Variants in DYM observed in about 807,000 individuals in gnomAD.
DYM encodes the protein dymeclin.
Under a neutral mutation model 93.1 loss-of-function variants are expected in DYM, and 78 were observed. The observed-to-expected ratio is 0.84, with a 90% CI of 0.70 to 1.01. The LOEUF (loss-of-function observed/expected upper bound fraction) is 1.01. Among genes scored for constraint, DYM ranks in the 50% least tolerant of loss-of-function variants. The probability of loss-of-function intolerance (pLI) is 0.00; values close to 1 mark genes in which losing one functional copy is unlikely to be tolerated. For synonymous variants in DYM, 321 were observed against 319.7 expected, an observed-to-expected ratio of 1.00 and a Z score of -0.04; for missense variants, 789 against 845.0, an observed-to-expected ratio of 0.93 and a Z score of 0.82.
intron 14 of DYM, among the ~76,000 whole-genome samples, chr18:49,207,782 G>C (rs1364379549): frequency 6.6e-6 from 1 of 151,698 alleles, no homozygotes; most frequent in Non-Finnish European, 1.5e-5. Flanking sequence ...GCAAGCCCCT[G>C]CAATAGCCAA....
chr18:49,243,204 A>C (rs1356358417), intron 13 of DYM, among the ~76,000 whole-genome samples: 1 of 152,134 alleles, frequency 6.6e-6, no homozygotes, highest in Non-Finnish European at 1.5e-5. Flanking sequence ...CATCACAGTA[A>C]AACACAGAGC....
chr18:49,203,899 C>G (rs4939850), intron 14 of DYM, among the ~76,000 whole-genome samples: 78,482 of 104,428 alleles, frequency 0.75, 27,825 homozygotes, highest in Non-Finnish European at 0.8. Flanking sequence ...AAAAAAAAAA[C>G]AACTCTGGGT....
At chr18:49,100,625 A>G (rs917697862) in intron 16 of DYM, among the ~76,000 whole-genome samples, 1 of 152,230 alleles carries the variant, frequency 6.6e-6, no homozygotes, top group African/African-American at 2.4e-5. Flanking sequence ...AGAAAATGAT[A>G]AAACAACCAC....
chr18:49,088,015 G>A (rs561844188), intron 17 of DYM, among the ~76,000 whole-genome samples: 16 of 152,010 alleles, frequency 1.1e-4, no homozygotes, highest in Admixed American at 3.9e-4. Flanking sequence ...CTGTATATTA[G>A]CCCTTTGTCA....
chr18:49,298,247 A>T lies in DYM; in HGVS notation c.764-11631T>A, dbSNP rs182501491. Among the ~76,000 whole-genome samples the T allele has an allele frequency of 5.5e-3, 842 of 152,330 alleles. 4 individuals carry two copies. Among genetic ancestry groups the T allele is most frequent in the Non-Finnish European group, 8.9e-3 (603 of 68,024 alleles). On this transcript the variant is annotated intron_variant, in intron 8 of 17. Transcript: ENST00000675505. ...AAGAAAAATGTTTTTTAAAACTCAT[A>T]GCACAGTAAAACTTTTTATCCACCT... is the stretch of plus-strand genomic sequence containing the variant.
At chr18:49,234,520 G>T (rs2093803831) in intron 13 of DYM, among the ~76,000 whole-genome samples, 1 of 152,092 alleles carries the variant, frequency 6.6e-6, no homozygotes, top group Non-Finnish European at 1.5e-5. Context: ...CTATCCTGTG[G>T]CTTGAACTAA....
chr18:49,400,701 C>G (rs1356353216), intron 2 of DYM, among the ~76,000 whole-genome samples: 1 of 149,708 alleles, frequency 6.7e-6, no homozygotes, highest in Non-Finnish European at 1.5e-5. Flanking sequence ...AGCAACACAC[C>G]AATTATTTGT....
At chr18:49,334,476 A>G (rs899181789) in intron 6 of DYM, among the ~76,000 whole-genome samples, 2 of 152,190 alleles carry the variant, frequency 1.3e-5, no homozygotes, top group African/African-American at 4.8e-5. Context: ...CAAGTCTTAG[A>G]TCAAATAAAA....
intron 5 of DYM, among the ~76,000 whole-genome samples, chr18:49,364,453 A>AAAG (rs2066325636): frequency 2.6e-5 from 4 of 151,956 alleles, no homozygotes; most frequent in South Asian, 4.2e-4. Context: ...TCAAAAAAAA[A>AAAG]AAAGAAAGAA....
At chr18:49,078,146 C>G (rs1025047767) in intron 17 of DYM, among the ~76,000 whole-genome samples, 5 of 152,112 alleles carry the variant, frequency 3.3e-5, no homozygotes, top group Non-Finnish European at 7.3e-5. Flanking sequence ...ACAATATACA[C>G]TCTTAACTTT....
At chr18:49,194,757 A>T (rs1053542991) in intron 14 of DYM, among the ~76,000 whole-genome samples, 8 of 147,730 alleles carry the variant, frequency 5.4e-5, no homozygotes, top group Non-Finnish European at 1.0e-4. Context: ...AAAATATTTT[A>T]AAAATATTTC....
intron 2 of DYM, among the ~76,000 whole-genome samples, chr18:49,421,645 A>C (rs1435136149): frequency 6.6e-6 from 1 of 152,254 alleles, no homozygotes; most frequent in East Asian, 1.9e-4. Flanking sequence ...AGCTGGACGG[A>C]GAATGACTTT....
chr18:49,087,180 TTC>T (rs1158729286), intron 17 of DYM, among the ~76,000 whole-genome samples: 1 of 152,130 alleles, frequency 6.6e-6, no homozygotes, highest in Non-Finnish European at 1.5e-5. Context: ...AGAAACAAAT[TTC>T]TGTTATTTAC....
intron 12 of DYM, 152 bp from the exon 13 acceptor site, chr18:49,257,256 TA>T: frequency 1.5e-6 from 1 of 674,852 alleles, no homozygotes; most frequent in Non-Finnish European, 2.6e-6. Flanking sequence ...CCTAAATCCA[TA>T]AAGCACTGAA....
In DYM at chr18:49,364,314, G is replaced by A. The variant is rs371482559; in HGVS notation, c.422-1081C>T. Among the ~76,000 whole-genome samples the A allele has an allele frequency of 1.6e-4, 25 of 152,146 alleles. No homozygotes were observed. The South Asian group carries it at 4.1e-3, about 25-fold the overall frequency. ...ACAAAAATTAGTCCAGCATGGTGGC[G>A]CACGCCTGTGGTCCCAGCTACTCAG... On this transcript the variant is annotated intron_variant, in intron 5 of 17. Coordinates refer to ENST00000675505, the MANE Select transcript of DYM (RefSeq NM_001353214.3).
chr18:49,394,391 G>GT (rs150178114), intron 2 of DYM, among the ~76,000 whole-genome samples: 4,882 of 151,184 alleles, frequency 0.032, 239 homozygotes, highest in African/African-American at 0.11. Context: ...TCATTTGTCT[G>GT]TTTTTTTTTA....
intron 13 of DYM, among the ~76,000 whole-genome samples, chr18:49,228,022 C>T (rs2093588859): frequency 6.6e-6 from 1 of 152,158 alleles, no homozygotes; most frequent in African/African-American, 2.4e-5. Context: ...TTCCTACCAA[C>T]ATGCAACTTC....
intron 14 of DYM, among the ~76,000 whole-genome samples, chr18:49,166,074 T>C (rs2087824868): frequency 6.6e-6 from 1 of 152,202 alleles, no homozygotes; most frequent in Non-Finnish European, 1.5e-5. Context: ...GGTTTAGTTT[T>C]GCTTTATCTT....
intron 8 of DYM, among the ~76,000 whole-genome samples, chr18:49,317,689 CT>C (rs1418820646): frequency 1.5e-4 from 13 of 84,864 alleles, no homozygotes; most frequent in South Asian, 9.7e-4. Context: ...TCCTTCCTTC[CT>C]TTCTTTCTTT....
Sources: allele counts gnomAD v4.1 joint callset (sites outside exome capture counted in the v4.1 genomes callset), GRCh38; gene constraint gnomAD v4.1.1; transcripts MANE v1.5; gene names NCBI Gene and HGNC (gene_info 2026-07-23, HGNC 2026-07-21).